Variants in ATAD2 observed in about 807,000 individuals in gnomAD.
ATAD2 encodes the protein ATPase family AAA domain containing 2, also known as ATPase family AAA domain-containing protein 2.
ATAD2 carries 62 observed loss-of-function variants against 168.9 expected under a neutral mutation model. That is an observed-to-expected ratio of 0.37 (90% CI 0.30 to 0.45). The LOEUF (loss-of-function observed/expected upper bound fraction) is 0.45, where lower values mean the gene tolerates loss of function less well. ATAD2 is among the 20% of genes least tolerant of loss of function. ATAD2 has a pLI of 1.00. For synonymous variants in ATAD2, 613 were observed against 571.6 expected (o/e 1.07, Z -1.03); for missense variants, 1,419 against 1,667.8 (o/e 0.85, Z 2.60).
intron 19 of ATAD2, chr8:123,344,608 A>C: frequency 3.0e-6 from 1 of 332,850 alleles, no homozygotes; most frequent in Admixed American, 4.1e-5. Context: ...CGGCCTCCCA[A>C]AGTGCTGGGA....
intron 1 of ATAD2, among the ~76,000 whole-genome samples, chr8:123,389,589 C>T (rs943441380): frequency 4.6e-5 from 7 of 151,198 alleles, no homozygotes; most frequent in Non-Finnish European, 1.0e-4. Context: ...GCAGTGAGCC[C>T]AGATCGCGCC....
intron 24 of ATAD2, among the ~76,000 whole-genome samples, chr8:123,332,219 A>T (rs988623260): frequency 2.6e-5 from 4 of 152,194 alleles, no homozygotes; most frequent in Admixed American, 6.5e-5. Context: ...CTCCAAAAAA[A>T]TTTCCAAGAT....
chr8:123,364,501 C>T (rs7835285), intron 8 of ATAD2, among the ~76,000 whole-genome samples: 21,318 of 151,996 alleles, frequency 0.14, 4,198 homozygotes, highest in African/African-American at 0.45. Context: ...AACATCCCTG[C>T]GAACATAGAT....
intron 26 of ATAD2, 69 bp downstream of exon 26, chr8:123,325,824 T>C: frequency 1.3e-6 from 2 of 1,556,906 alleles, no homozygotes; most frequent in South Asian, 1.2e-5. Context: ...AGAATGCTAC[T>C]AGTCACAAGC....
At chr8:123,390,838 G>A (rs370810649) in intron 1 of ATAD2, among the ~76,000 whole-genome samples, 242 of 152,120 alleles carry the variant, frequency 1.6e-3, no homozygotes, top group African/African-American at 4.6e-3. Context: ...TTGATACCCC[G>A]TCTCTACTAA....
chr8:123,396,404 G>A lies in ATAD2; in HGVS notation c.-47C>T, dbSNP rs1039404899. Reference sequence around the variant, plus strand: ...GCGTGCGCGACCGGAGAGAGATCCAGCTCCAGGCGCTCGCAGCTCTGGCTC... The same window carrying A: ...GCGTGCGCGACCGGAGAGAGATCCAACTCCAGGCGCTCGCAGCTCTGGCTC... On this transcript the variant is annotated 5_prime_UTR_variant, in exon 1 of 28. Transcript: ENST00000287394. 2.7e-6 allele frequency: 4 copies of A among 1,480,642 alleles called. No individual in the cohort carries two copies. The highest frequency in any genetic ancestry group is 2.3e-5 in the Admixed American group (1 of 43,798). The allele number at this position is 1,480,642 out of a possible 1,614,324, so 91.7% of individuals were successfully genotyped here.
At chr8:123,330,044 G>A (rs1404769594) in intron 24 of ATAD2, among the ~76,000 whole-genome samples, 2 of 132,282 alleles carry the variant, frequency 1.5e-5, no homozygotes. Flanking sequence ...CTGGAGTGCT[G>A]TGGCATAATC....
rs532366515 is a variant in ATAD2, at chr8:123,359,328, A to G, written c.1275T>C (p.Phe425=). Residue 425 remains phenylalanine (F), a synonymous_variant, in exon 11 of 28, where the codon TTT becomes TTC. Coordinates refer to ENST00000287394, the MANE Select transcript of ATAD2 (RefSeq NM_014109.4). ...DPMQLDSSVR[F]DSVGGLSNHI... The stretch of plus-strand genomic sequence containing the variant: ...GATTAGACAGGCCACCAACACTATC[A>G]AATCGTACCTGGTAATGGAAGCGAA... 1.4e-5 allele frequency: 23 copies of G among 1,601,316 alleles called. No individual in the cohort carries two copies. In the Admixed American group the frequency reaches 4.0e-4, roughly 28 times the overall value.
At chr8:123,354,873 A>AT (rs1221381785) in intron 13 of ATAD2, among the ~76,000 whole-genome samples, 2 of 132,846 alleles carry the variant, frequency 1.5e-5, no homozygotes, top group African/African-American at 5.9e-5. Flanking sequence ...AAATATATAT[A>AT]TATATATATA....
intron 8 of ATAD2, among the ~76,000 whole-genome samples, chr8:123,367,139 G>T (rs1388070984): frequency 6.6e-6 from 1 of 152,168 alleles, no homozygotes; most frequent in African/African-American, 2.4e-5. Flanking sequence ...ACTCGGCCGG[G>T]TGCAGTGGCT....
At chr8:123,326,863 A>C (rs1827630007) in intron 25 of ATAD2, among the ~76,000 whole-genome samples, 1 of 152,168 alleles carries the variant, frequency 6.6e-6, no homozygotes, top group African/African-American at 2.4e-5. Context: ...CAATACATTC[A>C]ATGATAAATG....
chr8:123,368,997 T>C (rs1829058220), intron 8 of ATAD2, 61 bp downstream of exon 8: 5 of 979,690 alleles, frequency 5.1e-6, no homozygotes, highest in Non-Finnish European at 7.4e-6. Context: ...AAGTCTAGAG[T>C]CCAGCCCTAA....
intron 1 of ATAD2, among the ~76,000 whole-genome samples, chr8:123,392,351 T>C (rs1201228987): frequency 1.3e-5 from 2 of 152,182 alleles, no homozygotes; most frequent in African/African-American, 2.4e-5. Context: ...ATTTTAAATA[T>C]GGTGCTTATG....
At chr8:123,359,556 G>T in intron 10 of ATAD2, 21 bp downstream of exon 10, 1 of 1,565,016 alleles carries the variant, frequency 6.4e-7, no homozygotes, top group Non-Finnish European at 8.8e-7. Context: ...TCAAGCATAT[G>T]TTTCAAAACA....
chr8:123,401,213 A>G, upstream of ATAD2: 3 of 902,132 alleles, frequency 3.3e-6, no homozygotes, highest in East Asian at 7.2e-5. Flanking sequence ...CCTATCGTCA[A>G]TGACGATGAT....
Position 123,321,051 on chromosome 8 carries a change from T to TC in ATAD2, c.*82dup, listed in dbSNP as rs1827453830. ...ATCTTTTCCTTAAAGATGCAGGGTT[T>TC]CATACTACATCAATTAGGCGGACAT... On this transcript the variant is annotated 3_prime_UTR_variant, in exon 28 of 28. Coordinates refer to ENST00000287394, the MANE Select transcript of ATAD2 (RefSeq NM_014109.4). 1.4e-5 allele frequency: 16 copies of TC among 1,184,240 alleles called. No individual in the cohort carries two copies. The highest frequency in any genetic ancestry group is 1.7e-5 in the Non-Finnish European group (14 of 809,722). The allele number at this position is 1,184,240 out of a possible 1,614,324, so 73.4% of individuals were successfully genotyped here.
At chr8:123,349,984 C>T (rs1828398539) in intron 13 of ATAD2, among the ~76,000 whole-genome samples, 1 of 151,608 alleles carries the variant, frequency 6.6e-6, no homozygotes, top group African/African-American at 2.4e-5. Flanking sequence ...CCACTGCATT[C>T]CAGCCTGGGT....
chr8:123,335,938 A>G (rs542423159), intron 22 of ATAD2, among the ~76,000 whole-genome samples: 1 of 152,318 alleles, frequency 6.6e-6, no homozygotes, highest in African/African-American at 2.4e-5. Context: ...TTTTAAAAAT[A>G]TTACTACTAG....
chr8:123,359,701 T>G lies in ATAD2; in HGVS notation c.1158-16A>C. 6.3e-7 allele frequency: 1 copy of G among 1,584,576 alleles called. No individual in the cohort carries two copies. The highest frequency in any genetic ancestry group is 8.7e-7 in the Non-Finnish European group (1 of 1,155,814). On this transcript the variant is annotated splice_polypyrimidine_tract_variant and intron_variant, in intron 9 of 27. Coordinates refer to ENST00000287394, the MANE Select transcript of ATAD2 (RefSeq NM_014109.4). The stretch of plus-strand genomic sequence containing the variant: ...TGGGAGGCACCTATTTAAAAAGATT[T>G]TTTAAAACCACACAAACCCATCAAC...
Sources: allele counts gnomAD v4.1 joint callset (sites outside exome capture counted in the v4.1 genomes callset), GRCh38; gene constraint gnomAD v4.1.1; transcripts MANE v1.5; gene names NCBI Gene and HGNC (gene_info 2026-07-23, HGNC 2026-07-21).